YEATS4: variants seen among roughly 807,000 people sequenced by gnomAD.
YEATS4 encodes YEATS domain-containing protein 4.
In YEATS4, 17 loss-of-function variants were observed where a neutral mutation model predicts 30.1. The observed-to-expected ratio is 0.56, with a 90% CI of 0.39 to 0.85. The LOEUF (loss-of-function observed/expected upper bound fraction) is 0.85. Ranked by LOEUF, YEATS4 falls within the 40% of genes least tolerant of loss-of-function variation. The probability of loss-of-function intolerance (pLI) is 0.00; values close to 1 mark genes in which losing one functional copy is unlikely to be tolerated. For missense variants in YEATS4, 142 were observed against 268.3 expected (o/e 0.53, Z 3.29); for synonymous variants, 85 against 87.5 (o/e 0.97, Z 0.16).
At chr12:69,389,881 A>C (rs991879593) in intron 6 of YEATS4, among the ~76,000 whole-genome samples, 2 of 152,142 alleles carry the variant, frequency 1.3e-5, no homozygotes, top group South Asian at 2.1e-4. Context: ...GTGTATGGAA[A>C]AAAGGACATT....
chr12:69,425,102 A>G, the YEATS4 span, among the ~76,000 whole-genome samples: 2 of 151,856 alleles, frequency 1.3e-5, no homozygotes, highest in East Asian at 1.9e-4. Context: ...TTGTATTTGT[A>G]GTAGAGACGG....
the YEATS4 span, among the ~76,000 whole-genome samples, chr12:69,402,720 CT>C: frequency 9.9e-5 from 13 of 130,684 alleles, no homozygotes; most frequent in Non-Finnish European, 2.1e-4. Context: ...TTCTTTCTTT[CT>C]TTTCTTTTTT....
In YEATS4 at chr12:69,365,661, A is replaced by C. The variant is rs1875400203; in HGVS notation, c.200A>C (p.Gln67Pro). 1 of 1,611,540 alleles carries C rather than the reference A, an allele frequency of 6.2e-7. No individual in the cohort carries two copies. Among genetic ancestry groups the C allele is most frequent in the African/African-American group, 1.3e-5 (1 of 74,870 alleles). The change falls in exon 3 of 7, where the codon CAG becomes CCG. Residue 67 changes from glutamine to proline, a missense_variant. Gln to Pro is a moderately conservative substitution (Grantham distance 76, BLOSUM62 -1). This residue lies in a region of YEATS4 where 64 missense variants were observed against 164.0 expected (regional missense o/e 0.39). Transcript: ENST00000247843. ...EDMSAYVKKIQFKLHESYGNP... is the reference protein window; with the variant it reads ...EDMSAYVKKIPFKLHESYGNP... ...ATGTCAGCATATGTGAAGAAAATCC[A>C]GTTTAAATTACATGAAAGCTATGGC...
intron 1 of YEATS4, among the ~76,000 whole-genome samples, chr12:69,362,067 G>T (rs112247876): frequency 7.4e-6 from 1 of 134,420 alleles, no homozygotes; most frequent in East Asian, 2.2e-4. Flanking sequence ...GCCCAGGCTG[G>T]AGTGCAATGG....
At chr12:69,369,536 G>C (rs1875564282) in intron 4 of YEATS4, among the ~76,000 whole-genome samples, 1 of 152,178 alleles carries the variant, frequency 6.6e-6, no homozygotes, top group Admixed American at 6.5e-5. Flanking sequence ...ATACTTGCCA[G>C]TTCTGAGCTT....
the YEATS4 span, among the ~76,000 whole-genome samples, chr12:69,410,918 T>C: frequency 6.6e-6 from 1 of 152,216 alleles, no homozygotes; most frequent in Non-Finnish European, 1.5e-5. Context: ...AAAAAATCTA[T>C]TTAAATGAAA....
intron 6 of YEATS4, among the ~76,000 whole-genome samples, chr12:69,371,389 C>T (rs1042752228): frequency 2.0e-5 from 3 of 152,202 alleles, no homozygotes; most frequent in Non-Finnish European, 4.4e-5. Context: ...TGTCATTTTA[C>T]ATAGTTTCAG....
At chr12:69,415,329 C>T in the YEATS4 span, among the ~76,000 whole-genome samples, 1 of 152,192 alleles carries the variant, frequency 6.6e-6, no homozygotes, top group Non-Finnish European at 1.5e-5. Context: ...AATCCCAACA[C>T]TTTGGGAGGC....
chr12:69,386,225 G>A (rs575604554), intron 6 of YEATS4, among the ~76,000 whole-genome samples: 4 of 152,012 alleles, frequency 2.6e-5, no homozygotes, highest in Non-Finnish European at 5.9e-5. Context: ...AGTGCCCTTC[G>A]CAGTCTTACA....
intron 6 of YEATS4, among the ~76,000 whole-genome samples, chr12:69,374,458 G>T (rs907958984): frequency 6.6e-6 from 1 of 151,796 alleles, no homozygotes; most frequent in Non-Finnish European, 1.5e-5. Context: ...TTCTCGGAGA[G>T]GGGGATTTGG....
chr12:69,371,041 T>G, intron 6 of YEATS4, 66 bp downstream of exon 6: 1 of 1,491,786 alleles, frequency 6.7e-7, no homozygotes, highest in Non-Finnish European at 9.1e-7. Flanking sequence ...GGTTGTATGA[T>G]TCGTGCCTTT....
chr12:69,425,570 A>C, the YEATS4 span, among the ~76,000 whole-genome samples: 13 of 152,258 alleles, frequency 8.5e-5, no homozygotes, highest in African/African-American at 2.9e-4. Flanking sequence ...CAGTCCAACC[A>C]GACTGTGGAG....
the YEATS4 span, among the ~76,000 whole-genome samples, chr12:69,402,645 A>G: frequency 2.0e-5 from 3 of 152,118 alleles, no homozygotes; most frequent in Admixed American, 6.5e-5. Context: ...TTATTTATAG[A>G]CACTGAAATT....
chr12:69,403,010 A>G, the YEATS4 span, among the ~76,000 whole-genome samples: 1 of 151,994 alleles, frequency 6.6e-6, no homozygotes, highest in Admixed American at 6.6e-5. Context: ...GGCGTGAGCC[A>G]CCACGCCCGG....
the YEATS4 span, among the ~76,000 whole-genome samples, chr12:69,414,455 T>G: frequency 6.6e-6 from 1 of 152,170 alleles, no homozygotes; most frequent in Admixed American, 6.5e-5. Context: ...AGTCTGAAAC[T>G]CCTGGCCTCA....
In YEATS4 at chr12:69,362,016, T is replaced by TTTGTTTTTTTTTG. The variant is rs746807584; in HGVS notation, c.52-770_52-769insGTTTTTTTTTGTT. ...TTAAATTGTAGGGTGTTTGGTTGTT[T>TTTGTTTTTTTTTG]TTTTTTTTTTTTTTTTTTGGAGACA... On this transcript the variant is annotated intron_variant, in intron 1 of 6. Transcript: ENST00000247843. Among the ~76,000 whole-genome samples, 882 of 111,182 alleles carry TTTGTTTTTTTTTG rather than the reference T, an allele frequency of 7.9e-3. 25 individuals are homozygous for TTTGTTTTTTTTTG. Among genetic ancestry groups the TTTGTTTTTTTTTG allele is most frequent in the South Asian group, 0.021 (73 of 3,402 alleles). 72.9% of individuals were successfully genotyped at this position (111,182 alleles called of 152,430 possible). A position where few individuals can be genotyped will look rare whatever the true frequency, so the allele number is the denominator to read the frequency against.
chr12:69,416,165 G>A, the YEATS4 span, among the ~76,000 whole-genome samples: 1 of 152,132 alleles, frequency 6.6e-6, no homozygotes, highest in Non-Finnish European at 1.5e-5. Flanking sequence ...TGTGTGTGCC[G>A]CTGCCACCAT....
the YEATS4 span, among the ~76,000 whole-genome samples, chr12:69,401,763 T>G: frequency 6.6e-6 from 1 of 152,224 alleles, no homozygotes; most frequent in Non-Finnish European, 1.5e-5. Context: ...GTTCCTTAAA[T>G]GTACTCTGAG....
the YEATS4 span, among the ~76,000 whole-genome samples, chr12:69,419,215 C>A: frequency 8.6e-6 from 1 of 116,574 alleles, no homozygotes; most frequent in Non-Finnish European, 1.8e-5. Flanking sequence ...TCCTATTTTA[C>A]TTTTTTTTTT....
Sources: gnomAD v4.1 joint callset for allele counts (sites outside exome capture counted in the v4.1 genomes callset) on GRCh38, gnomAD v4.1.1 for gene constraint, gnomAD v4.1.1 regional missense constraint, MANE v1.5 for transcripts, NCBI Gene and HGNC (gene_info 2026-07-23, HGNC 2026-07-21) for gene names.